The following RIMS1 variants were observed in gnomAD, a reference collection of about 807,000 sequenced individuals.
RIMS1 encodes regulating synaptic membrane exocytosis 1.
In RIMS1, 83 loss-of-function variants were observed where a neutral mutation model predicts 214.1. The observed-to-expected ratio is 0.39, with a 90% CI of 0.32 to 0.47. The LOEUF (loss-of-function observed/expected upper bound fraction) is 0.47. Among genes scored for constraint, RIMS1 ranks in the 20% least tolerant of loss-of-function variants. The probability of loss-of-function intolerance (pLI) is 0.99; values close to 1 mark genes in which losing one functional copy is unlikely to be tolerated. For synonymous variants in RIMS1, 793 were observed against 786.8 expected (o/e 1.01, Z -0.13); for missense variants, 2,050 against 2,161.8 (o/e 0.95, Z 1.03).
chr6:72,169,483 G>A (rs1436774208), intron 4 of RIMS1, among the ~76,000 whole-genome samples: 3 of 152,170 alleles, frequency 2.0e-5, no homozygotes, highest in Non-Finnish European at 2.9e-5. Context: ...AATATGAGAA[G>A]AGGTGATACA....
chr6:72,051,606 C>T (rs891652640), intron 2 of RIMS1, among the ~76,000 whole-genome samples: 5 of 152,092 alleles, frequency 3.3e-5, no homozygotes, highest in Non-Finnish European at 7.3e-5. Flanking sequence ...AGAGGACACA[C>T]CTGAGAATAT....
At chr6:72,079,512 C>T (rs1182753295) in intron 2 of RIMS1, among the ~76,000 whole-genome samples, 1 of 152,162 alleles carries the variant, frequency 6.6e-6, no homozygotes, top group Admixed American at 6.5e-5. Flanking sequence ...CACTCAGGCT[C>T]AGAAAGTTGA....
At chr6:72,362,272 C>A (rs58076624) in intron 29 of RIMS1, among the ~76,000 whole-genome samples, 1 of 152,114 alleles carries the variant, frequency 6.6e-6, no homozygotes, top group African/African-American at 2.4e-5. Flanking sequence ...TGCTAATCAA[C>A]CACTTAAGTT....
chr6:72,148,496 G>A (rs1041523938), intron 4 of RIMS1: 1 of 430,958 alleles, frequency 2.3e-6, no homozygotes, highest in African/African-American at 2.0e-5. Context: ...TAGCAGGAAG[G>A]CCTAGAGGGT....
chr6:72,077,625 C>T (rs1040209813), intron 2 of RIMS1, among the ~76,000 whole-genome samples: 2 of 152,166 alleles, frequency 1.3e-5, no homozygotes, highest in Non-Finnish European at 2.9e-5. Context: ...AGGAGCAAAA[C>T]ACACTCCTCT....
At chr6:72,365,594 A>AAAAG (rs1336382156) in intron 29 of RIMS1, among the ~76,000 whole-genome samples, 1 of 152,216 alleles carries the variant, frequency 6.6e-6, no homozygotes, top group Non-Finnish European at 1.5e-5. Context: ...CTTTGTAAGT[A>AAAAG]AAAGAGGGCC....
intron 16 of RIMS1, among the ~76,000 whole-genome samples, chr6:72,255,217 G>T (rs9351903): frequency 0.63 from 95,125 of 152,004 alleles, 30,235 homozygotes; most frequent in East Asian, 0.98. Flanking sequence ...GAGGTGATAA[G>T]TTAGCACAGT....
intron 29 of RIMS1, among the ~76,000 whole-genome samples, chr6:72,348,176 T>A (rs1029804381): frequency 3.3e-5 from 5 of 151,952 alleles, no homozygotes; most frequent in African/African-American, 9.7e-5. Flanking sequence ...AATAAAAACA[T>A]GTTTTTTAAG....
At chr6:72,180,598 T>C (rs1399027442) in intron 5 of RIMS1, among the ~76,000 whole-genome samples, 1 of 152,216 alleles carries the variant, frequency 6.6e-6, no homozygotes, top group Non-Finnish European at 1.5e-5. Flanking sequence ...GATCAGATTA[T>C]TTACTTTGAT....
At chr6:72,373,928 T>C (rs2154405348) in intron 29 of RIMS1, among the ~76,000 whole-genome samples, 1 of 152,282 alleles carries the variant, frequency 6.6e-6, no homozygotes, top group South Asian at 2.1e-4. Flanking sequence ...TTATTTTTAT[T>C]TTTTTGAGTT....
intron 2 of RIMS1, among the ~76,000 whole-genome samples, chr6:71,970,075 TA>T (rs1278724427): frequency 6.6e-6 from 1 of 152,228 alleles, no homozygotes; most frequent in African/African-American, 2.4e-5. Context: ...TGAAATGTGG[TA>T]AATTTCAGGA....
At chr6:71,903,770 T>G (rs1030753328) in intron 1 of RIMS1, among the ~76,000 whole-genome samples, 6 of 151,966 alleles carry the variant, frequency 3.9e-5, no homozygotes, top group Non-Finnish European at 7.4e-5. Flanking sequence ...GTTTTTTTTT[T>G]CCCTACATGG....
At chr6:71,959,341 C>T (rs1038755321) in intron 1 of RIMS1, among the ~76,000 whole-genome samples, 12 of 152,098 alleles carry the variant, frequency 7.9e-5, no homozygotes, top group Admixed American at 3.3e-4. Flanking sequence ...TTAAAATCCA[C>T]TTAAATCCCA....
chr6:72,197,154 A>T (rs536792179), intron 6 of RIMS1, among the ~76,000 whole-genome samples: 1 of 152,208 alleles, frequency 6.6e-6, no homozygotes. Context: ...CACCTCATTC[A>T]TCCTAAAGTG....
intron 31 of RIMS1, among the ~76,000 whole-genome samples, chr6:72,395,762 C>T (rs1276045198): frequency 1.3e-5 from 2 of 151,622 alleles, no homozygotes; most frequent in African/African-American, 2.4e-5. Context: ...ATGTTTCTAG[C>T]ATAAAAGAAA....
intron 2 of RIMS1, among the ~76,000 whole-genome samples, chr6:72,062,306 T>A (rs911673454): frequency 1.3e-5 from 2 of 152,172 alleles, no homozygotes; most frequent in African/African-American, 4.8e-5. Context: ...CAATTATCTA[T>A]GTTTATGTGC....
At chr6:72,057,664 C>A (rs1277878733) in intron 2 of RIMS1, among the ~76,000 whole-genome samples, 1 of 151,990 alleles carries the variant, frequency 6.6e-6, no homozygotes. Flanking sequence ...CCCGCCACCA[C>A]TACTAGCTAA....
intron 4 of RIMS1, among the ~76,000 whole-genome samples, chr6:72,130,249 C>T (rs2040235455): frequency 6.6e-6 from 1 of 152,098 alleles, no homozygotes; most frequent in Admixed American, 6.6e-5. Context: ...TGTTGAATGA[C>T]ATTTACTTTT....
At chr6:72,232,386 G>A (rs1020296153) in intron 6 of RIMS1, among the ~76,000 whole-genome samples, 11 of 151,474 alleles carry the variant, frequency 7.3e-5, no homozygotes, top group East Asian at 1.9e-4. Flanking sequence ...AAGAATAGTC[G>A]TGAACTTTTA....
Sources: allele counts gnomAD v4.1 joint callset (sites outside exome capture counted in the v4.1 genomes callset), GRCh38; gene constraint gnomAD v4.1.1; transcripts MANE v1.5; gene names NCBI Gene and HGNC (gene_info 2026-07-23, HGNC 2026-07-21).